The following RAB2A variants were observed in gnomAD, a reference collection of about 807,000 sequenced individuals.
RAB2A encodes the protein ras-related protein Rab-2A.
Under a neutral mutation model 32.5 loss-of-function variants are expected in RAB2A, and 7 were observed. That is an observed-to-expected ratio of 0.22 (90% CI 0.12 to 0.40). The LOEUF is 0.40. Ranked by LOEUF, RAB2A falls within the 10% of genes least tolerant of loss-of-function variation. RAB2A has a pLI of 1.00. For missense variants in RAB2A, 108 were observed against 260.7 expected, an observed-to-expected ratio of 0.41 and a Z score of 4.03; for synonymous variants, 79 against 85.2, an observed-to-expected ratio of 0.93 and a Z score of 0.40.
intron 3 of RAB2A, among the ~76,000 whole-genome samples, chr8:60,581,140 G>A (rs1333275997): frequency 1.3e-5 from 2 of 152,216 alleles, no homozygotes; most frequent in African/African-American, 4.8e-5. Flanking sequence ...AGAGACGGCT[G>A]CAGTTTAAGC....
intron 1 of RAB2A, among the ~76,000 whole-genome samples, chr8:60,547,824 C>CG (rs1247902311): frequency 9.0e-6 from 1 of 111,264 alleles, no homozygotes; most frequent in Non-Finnish European, 1.8e-5. Flanking sequence ...GCTGGCCGGG[C>CG]GGGGGGCTGA....
intron 2 of RAB2A, among the ~76,000 whole-genome samples, chr8:60,568,835 TGGGAAGA>T (rs1808155405): frequency 1.3e-5 from 2 of 152,002 alleles, no homozygotes; most frequent in South Asian, 4.1e-4. Flanking sequence ...AAAATGGATC[TGGGAAGA>T]GGGCGTCAAA....
chr8:60,575,549 A>G (rs1255185079), intron 3 of RAB2A, among the ~76,000 whole-genome samples: 1 of 152,196 alleles, frequency 6.6e-6, no homozygotes, highest in Non-Finnish European at 1.5e-5. Flanking sequence ...AGATGTTTAC[A>G]AAACCATCCT....
At chr8:60,594,205 A>C (rs1168928440) in intron 6 of RAB2A, among the ~76,000 whole-genome samples, 1 of 152,218 alleles carries the variant, frequency 6.6e-6, no homozygotes, top group African/African-American at 2.4e-5. Flanking sequence ...GGCTCTGAAA[A>C]ATACTCAAAG....
At chr8:60,536,685 G>A (rs1390503312) in intron 1 of RAB2A, among the ~76,000 whole-genome samples, 1 of 152,216 alleles carries the variant, frequency 6.6e-6, no homozygotes, top group Non-Finnish European at 1.5e-5. Context: ...GATTTCTGCA[G>A]TGTCAGGATC....
chr8:60,568,464 C>A (rs1450560128), intron 2 of RAB2A, among the ~76,000 whole-genome samples: 1 of 151,926 alleles, frequency 6.6e-6, no homozygotes, highest in East Asian at 1.9e-4. Context: ...TACTATGTGC[C>A]AGGCATTGTT....
chr8:60,547,411 C>G (rs1807750358), intron 1 of RAB2A, among the ~76,000 whole-genome samples: 3 of 151,804 alleles, frequency 2.0e-5, no homozygotes, highest in Non-Finnish European at 4.4e-5. Context: ...GAGCTGTTGG[C>G]TATACCTCCC....
rs1230468535 is a variant in RAB2A at position 60,584,169 on chromosome 8, G to T, written c.187-39G>T. ...ATAATATGAAAATGTAGAGGACATT[G>T]TATTAAAGGAAACTCTCCAACCTTT... is the stretch of plus-strand genomic sequence containing the variant. On this transcript the variant is annotated intron_variant, in intron 3 of 7. Coordinates refer to ENST00000262646, the MANE Select transcript of RAB2A (RefSeq NM_002865.3). The T allele has an allele frequency of 2.8e-6, 4 of 1,436,026 alleles. No individual in the cohort carries two copies. The South Asian group carries it at 4.6e-5, about 16-fold the overall frequency. The allele number at this position is 1,436,026 out of a possible 1,614,324, so 89.0% of individuals were successfully genotyped here. A position where few individuals can be genotyped will look rare whatever the true frequency, so the allele number is the denominator to read the frequency against.
chr8:60,521,481 ATAAG>A (rs910584080), intron 1 of RAB2A, among the ~76,000 whole-genome samples: 1 of 152,236 alleles, frequency 6.6e-6, no homozygotes, highest in African/African-American at 2.4e-5. Flanking sequence ...ATAATTATTA[ATAAG>A]TTATCACCTT....
intron 1 of RAB2A, among the ~76,000 whole-genome samples, chr8:60,525,165 T>G (rs1342020737): frequency 6.6e-6 from 1 of 152,228 alleles, no homozygotes; most frequent in African/African-American, 2.4e-5. Flanking sequence ...TTTTAATTTC[T>G]GTAGTCCCCA....
At chr8:60,557,726 C>CA (rs1366796087) in intron 1 of RAB2A, among the ~76,000 whole-genome samples, 1 of 147,388 alleles carries the variant, frequency 6.8e-6, no homozygotes, top group East Asian at 1.9e-4. Flanking sequence ...CCACCACACC[C>CA]ATCTTTTTTT....
At chr8:60,586,801 C>G (rs1056924207) in intron 5 of RAB2A, among the ~76,000 whole-genome samples, 1 of 151,932 alleles carries the variant, frequency 6.6e-6, no homozygotes, top group African/African-American at 2.4e-5. Flanking sequence ...TGCTGGCACA[C>G]GCCTTTAGCT....
chr8:60,584,011 A>G, intron 3 of RAB2A, 197 bp from the exon 4 acceptor site: 1 of 489,520 alleles, frequency 2.0e-6, no homozygotes, highest in South Asian at 2.2e-5. Context: ...TGTGCACTAC[A>G]TGTGCGTCTC....
intron 2 of RAB2A, among the ~76,000 whole-genome samples, chr8:60,561,840 G>A (rs937519546): frequency 6.6e-6 from 1 of 152,124 alleles, no homozygotes; most frequent in Non-Finnish European, 1.5e-5. Flanking sequence ...GCCACTACCA[G>A]AATTCCCTCA....
At chr8:60,581,686 G>C (rs1803753052) in intron 3 of RAB2A, among the ~76,000 whole-genome samples, 1 of 151,958 alleles carries the variant, frequency 6.6e-6, no homozygotes, top group Non-Finnish European at 1.5e-5. Flanking sequence ...AGTTAAAGAA[G>C]ATATTTCCTG....
chr8:60,522,241 G>A (rs886666900), intron 1 of RAB2A, among the ~76,000 whole-genome samples: 2 of 152,318 alleles, frequency 1.3e-5, no homozygotes, highest in African/African-American at 2.4e-5. Flanking sequence ...TGCAGTAGAG[G>A]TCAGGGACTA....
At chr8:60,556,372 C>T (rs893392146) in intron 1 of RAB2A, among the ~76,000 whole-genome samples, 5 of 151,820 alleles carry the variant, frequency 3.3e-5, no homozygotes, top group Non-Finnish European at 7.4e-5. Flanking sequence ...ATGTTACCAA[C>T]ATAACAAAAA....
rs879516566 is a variant in RAB2A, at chr8:60,517,171, G to A, written c.-37G>A. ...CGCGGAGGAGGAGCAGCAGCGGGAG[G>A]AGGAGCCGTGTGCCCTGGCACTGAG... On this transcript the variant is annotated 5_prime_UTR_variant, in exon 1 of 8. Transcript: ENST00000262646. The A allele has an allele frequency of 1.3e-5, 19 of 1,476,196 alleles. No homozygotes were observed. In the Admixed American group the frequency reaches 3.7e-4, roughly 28 times the overall value. 91.4% of individuals were successfully genotyped at this position (1,476,196 alleles called of 1,614,324 possible).
At chr8:60,573,944 G>A (rs536914554) in intron 3 of RAB2A, among the ~76,000 whole-genome samples, 5 of 152,264 alleles carry the variant, frequency 3.3e-5, no homozygotes, top group East Asian at 1.9e-4. Context: ...CACCACACCC[G>A]GCTGAGTTAC....
Sources: allele counts gnomAD v4.1 joint callset (sites outside exome capture counted in the v4.1 genomes callset), GRCh38; gene constraint gnomAD v4.1.1; transcripts MANE v1.5; gene names NCBI Gene and HGNC (gene_info 2026-07-23, HGNC 2026-07-21).